CELF4: variants seen among roughly 807,000 people sequenced by gnomAD.
CELF4 encodes CUGBP Elav-like family member 4.
A neutral mutation model predicts 59.9 loss-of-function variants in CELF4; 18 were observed. The ratio of observed to expected loss-of-function variants is 0.30; its 90% CI spans 0.21 to 0.45. CELF4 has a LOEUF of 0.45. Among genes scored for constraint, CELF4 ranks in the 20% least tolerant of loss-of-function variants. CELF4 has a pLI of 1.00. For synonymous variants in CELF4, 261 were observed against 267.1 expected (o/e 0.98, Z 0.22); for missense variants, 456 against 689.0 (o/e 0.66, Z 3.79).
intron 2 of CELF4, among the ~76,000 whole-genome samples, chr18:37,370,532 A>G (rs547503502): frequency 6.6e-6 from 1 of 152,262 alleles, no homozygotes; most frequent in Non-Finnish European, 1.5e-5. Flanking sequence ...CCCTGCTTTG[A>G]GGCATCCAGT....
chr18:37,271,598 G>C (rs1008721293), intron 7 of CELF4, among the ~76,000 whole-genome samples: 2 of 152,152 alleles, frequency 1.3e-5, no homozygotes, highest in African/African-American at 4.8e-5. Flanking sequence ...TTCAGCTAAG[G>C]CTGGATGAGC....
At chr18:37,451,186 C>T (rs1433509833) in intron 2 of CELF4, among the ~76,000 whole-genome samples, 1 of 152,140 alleles carries the variant, frequency 6.6e-6, no homozygotes, top group Non-Finnish European at 1.5e-5. Flanking sequence ...GTGGTGGCTC[C>T]CTTGGGAGGA....
intron 11 of CELF4, among the ~76,000 whole-genome samples, chr18:37,256,411 AG>A (rs1214519030): frequency 6.6e-6 from 1 of 152,144 alleles, no homozygotes; most frequent in East Asian, 1.9e-4. Flanking sequence ...TTAAGAACAA[AG>A]GGGACCTAGC....
At chr18:37,540,990 C>T (rs906705865) in intron 1 of CELF4, among the ~76,000 whole-genome samples, 1 of 152,110 alleles carries the variant, frequency 6.6e-6, no homozygotes, top group Non-Finnish European at 1.5e-5. Context: ...CTAGGCTTCA[C>T]GCATGCATGA....
In CELF4 at chr18:37,246,619, T is replaced by C. The variant is rs2062250498; in HGVS notation, c.*45-1422A>G. Among the ~76,000 whole-genome samples, 1 of 151,992 alleles carries C rather than the reference T, an allele frequency of 6.6e-6. No homozygotes were observed. The highest frequency in any genetic ancestry group is 2.4e-5 in the African/African-American group (1 of 41,386). On this transcript the variant is annotated intron_variant, in intron 12 of 12. Coordinates refer to ENST00000420428, the MANE Select transcript of CELF4 (RefSeq NM_020180.4). This position sits in a 1 kb window ranked among gnomAD's most constrained non-coding sequence, Gnocchi z 5.3. ...TGTTTTTTTTCCCTTTGAAGTGAGA[T>C]TGAAAATAGCCTAACTGGAAAAAGA...
At chr18:37,424,768 T>C (rs2099601382) in intron 2 of CELF4, among the ~76,000 whole-genome samples, 1 of 152,038 alleles carries the variant, frequency 6.6e-6, no homozygotes, top group African/African-American at 2.4e-5. Context: ...CCCCTACCCT[T>C]CTCACTCATC....
intron 1 of CELF4, among the ~76,000 whole-genome samples, chr18:37,559,648 T>C (rs2099985951): frequency 1.3e-5 from 2 of 152,274 alleles, no homozygotes; most frequent in East Asian, 1.9e-4. Context: ...TCTCTCCTGA[T>C]GACATGGAAG....
intron 2 of CELF4, among the ~76,000 whole-genome samples, chr18:37,398,989 C>G (rs1226140703): frequency 6.6e-6 from 1 of 152,160 alleles, no homozygotes; most frequent in African/African-American, 2.4e-5. Flanking sequence ...GTGGGTGAGG[C>G]CTGCCCACTG....
At chr18:37,396,424 C>G (rs183669922) in intron 2 of CELF4, among the ~76,000 whole-genome samples, 3 of 152,284 alleles carry the variant, frequency 2.0e-5, no homozygotes, top group Admixed American at 2.0e-4. Flanking sequence ...AAACATGTCT[C>G]AAGATGGTAG....
chr18:37,517,796 G>A (rs748066717), intron 1 of CELF4, among the ~76,000 whole-genome samples: 5 of 152,168 alleles, frequency 3.3e-5, no homozygotes, highest in Non-Finnish European at 4.4e-5. Context: ...ACCTCCCTCT[G>A]TGGGACCTCC....
At chr18:37,385,354 C>CAAAAAAAAAA (rs34504926) in intron 2 of CELF4, among the ~76,000 whole-genome samples, 1 of 100,420 alleles carries the variant, frequency 1.0e-5, no homozygotes, top group Non-Finnish European at 2.0e-5. Context: ...GACTCCATCT[C>CAAAAAAAAAA]AAAAAAAAAA....
At chr18:37,407,637 G>A (rs912163943) in intron 2 of CELF4, among the ~76,000 whole-genome samples, 5 of 151,422 alleles carry the variant, frequency 3.3e-5, no homozygotes, top group Non-Finnish European at 7.4e-5. Flanking sequence ...ACATACAAAC[G>A]CACACGTTAG....
chr18:37,248,880 G>T (rs1441322790), intron 12 of CELF4, among the ~76,000 whole-genome samples: 1 of 150,954 alleles, frequency 6.6e-6, no homozygotes, highest in Non-Finnish European at 1.5e-5. Context: ...GTGCCAGGTT[G>T]ATCTGCAGGC....
At chr18:37,426,150 C>T (rs542996848) in intron 2 of CELF4, among the ~76,000 whole-genome samples, 54 of 152,332 alleles carry the variant, frequency 3.5e-4, no homozygotes, top group African/African-American at 1.3e-3. Flanking sequence ...GACCTGCCCC[C>T]AAGCACAGGT....
At chr18:37,350,564 C>A (rs1180775795) in intron 2 of CELF4, among the ~76,000 whole-genome samples, 1 of 152,172 alleles carries the variant, frequency 6.6e-6, no homozygotes, top group Admixed American at 6.5e-5. Context: ...TTCAAACAGA[C>A]CCCTAACCTC....
intron 2 of CELF4, among the ~76,000 whole-genome samples, chr18:37,353,233 A>AAAAAAAATAT (rs71168258): frequency 9.3e-6 from 1 of 106,976 alleles, no homozygotes; most frequent in Admixed American, 1.2e-4. Context: ...AAAAAAAAAA[A>AAAAAAAATAT]ATATATATAT....
chr18:37,494,869 G>T (rs1367407886), intron 1 of CELF4, among the ~76,000 whole-genome samples: 1 of 152,126 alleles, frequency 6.6e-6, no homozygotes, highest in Non-Finnish European at 1.5e-5. Flanking sequence ...CAATCCTGTG[G>T]CCTTCTCTTG....
chr18:37,476,084 C>T (rs1456369215), intron 2 of CELF4, among the ~76,000 whole-genome samples: 3 of 152,274 alleles, frequency 2.0e-5, no homozygotes, highest in Admixed American at 6.5e-5. Context: ...TCCCCACTCG[C>T]ATCATTGTTT....
intron 6 of CELF4, chr18:37,273,594 G>C (rs1293158697): frequency 1.0e-6 from 1 of 991,494 alleles, no homozygotes; most frequent in African/African-American, 1.7e-5. Context: ...AGTGACAGGA[G>C]AATTATGAAT....
Sources: allele counts gnomAD v4.1 joint callset (sites outside exome capture counted in the v4.1 genomes callset), GRCh38; gene constraint gnomAD v4.1.1; non-coding constraint Gnocchi (gnomAD v3.1); transcripts MANE v1.5; gene names NCBI Gene and HGNC (gene_info 2026-07-23, HGNC 2026-07-21).